Variants in RSAD2 observed in about 807,000 individuals in gnomAD.
The protein encoded by RSAD2 is radical S-adenosyl methionine domain containing 2.
Under a neutral mutation model 37.7 loss-of-function variants are expected in RSAD2, and 38 were observed. That is an observed-to-expected ratio of 1.01 (90% confidence interval 0.78 to 1.32). RSAD2 has a LOEUF of 1.32. Ranked by LOEUF, RSAD2 falls within the 40% of genes most tolerant of loss-of-function variation. RSAD2 has a pLI of 0.00. For synonymous variants in RSAD2, 163 were observed against 157.4 expected, an observed-to-expected ratio of 1.04 and a Z score of -0.27; for missense variants, 428 against 437.5, an observed-to-expected ratio of 0.98 and a Z score of 0.19.
chr2:6,891,598 T>C (rs1663631935), intron 4 of RSAD2, among the ~76,000 whole-genome samples: 1 of 152,064 alleles, frequency 6.6e-6, no homozygotes, highest in Admixed American at 6.5e-5. Flanking sequence ...AAACCCCATC[T>C]CTACTGAAAA....
At chr2:6,893,644 A>G (rs751666924) in intron 4 of RSAD2, 27 bp from the exon 5 acceptor site, 1 of 1,594,544 alleles carries the variant, frequency 6.3e-7, no homozygotes, top group East Asian at 2.2e-5. Flanking sequence ...ACCTGAAACT[A>G]AATTTGTATT....
intron 5 of RSAD2, among the ~76,000 whole-genome samples, 154 bp from the exon 6 acceptor site, chr2:6,895,624 T>C (rs3796115): frequency 0.039 from 5,921 of 152,304 alleles, 153 homozygotes; most frequent in South Asian, 0.1. Context: ...AGTAGAGAGA[T>C]GGGGTCCAAG....
At chr2:6,866,135 G>A (rs1476947196) in intron 1 of RSAD2, 3 of 217,020 alleles carry the variant, frequency 1.4e-5, no homozygotes, top group African/African-American at 2.4e-5. Context: ...CATGGAGGGG[G>A]GCGGGGGTGC....
intron 1 of RSAD2, chr2:6,879,160 T>A (rs1663351219): frequency 4.6e-6 from 2 of 435,122 alleles, no homozygotes; most frequent in African/African-American, 4.0e-5. Flanking sequence ...CACGTTACAT[T>A]GGCTTAGTTA....
chr2:6,884,682 A>G (rs115944297), intron 2 of RSAD2, among the ~76,000 whole-genome samples: 1,660 of 152,274 alleles, frequency 0.011, 28 homozygotes, highest in African/African-American at 0.038. Context: ...TTAGAAGCAT[A>G]TAAGAAAAGA....
rs751045215 is a variant in RSAD2, at chr2:6,877,791, A to G, written c.-10A>G. 2 of 1,610,326 alleles carry G rather than the reference A, an allele frequency of 1.2e-6. No individual in the cohort carries two copies. The highest frequency in any genetic ancestry group is 1.1e-5 in the South Asian group (1 of 90,738). ...ATACAGAGACTGCTCTGCTCCAGGC[A>G]TCTGCCACAATGTGGGTGCTTACAC... On this transcript the variant is annotated 5_prime_UTR_variant, in exon 1 of 6. Coordinates refer to ENST00000382040, the MANE Select transcript of RSAD2 (RefSeq NM_080657.5).
chr2:6,877,128 G>A (rs1254595630), upstream of RSAD2: 1 of 152,194 alleles, frequency 6.6e-6, no homozygotes, highest in Non-Finnish European at 1.5e-5. Flanking sequence ...AAAAGCATTG[G>A]ATTTCCTCTA....
intron 1 of RSAD2, among the ~76,000 whole-genome samples, chr2:6,879,574 C>A (rs1469642526): frequency 6.6e-6 from 1 of 152,168 alleles, no homozygotes; most frequent in African/African-American, 2.4e-5. Context: ...TCTCCTTGAT[C>A]CTCTGCAGCC....
Position 6,878,114 on chromosome 2 carries a change from C to G in RSAD2, c.314C>G (p.Ala105Gly). ...TCCTTTGTGCTGCCCCTTGAGGAAG[C>G]AAAGAGAGGATTGCTTTTGCTTAAG... Reference protein sequence around the residue: ...KTSFVLPLEEAKRGLLLLKEA... With the variant: ...KTSFVLPLEEGKRGLLLLKEA... The change falls in exon 1 of 6, where the codon GCA becomes GGA. Residue 105 changes from alanine to glycine, a missense_variant. Physicochemically the swap from Ala to Gly is moderately conservative, Grantham distance 60. Transcript: ENST00000382040. 6.2e-7 allele frequency: 1 copy of G among 1,614,056 alleles called. No individual in the cohort carries two copies. Among genetic ancestry groups the G allele is most frequent in the Non-Finnish European group, 8.5e-7 (1 of 1,179,966 alleles).
At chr2:6,890,649 C>G (rs1663612158) in intron 4 of RSAD2, among the ~76,000 whole-genome samples, 1 of 152,174 alleles carries the variant, frequency 6.6e-6, no homozygotes, top group Non-Finnish European at 1.5e-5. Context: ...ATGTGTCATA[C>G]ATGCATGACA....
intron 1 of RSAD2, among the ~76,000 whole-genome samples, chr2:6,871,639 C>T (rs908079585): frequency 1.3e-5 from 2 of 152,130 alleles, no homozygotes; most frequent in Non-Finnish European, 1.5e-5. Context: ...GGGTTTTACC[C>T]GACTCATGGC....
chr2:6,872,334 C>CT (rs1380321989), intron 1 of RSAD2, among the ~76,000 whole-genome samples: 1 of 152,100 alleles, frequency 6.6e-6, no homozygotes, highest in Non-Finnish European at 1.5e-5. Flanking sequence ...TAAAAATGAA[C>CT]TTTTTCATAT....
chr2:6,897,994 C>CAAAAAAAAA lies in RSAD2; in HGVS notation c.*2064_*2072dup. On this transcript the variant is annotated 3_prime_UTR_variant, in exon 6 of 6. Transcript: ENST00000382040. ...TGGATGACAGAGCAAGACTCCGTCT[C>CAAAAAAAAA]AAAAAAAAAAAAAAAAAAAAGCAAG... 1.5e-5 allele frequency: 1 copy of CAAAAAAAAA among 68,334 alleles called. No homozygotes were observed. The allele number at this position is 68,334 out of a possible 1,614,324, so 4.2% of individuals were successfully genotyped here. A position where few individuals can be genotyped will look rare whatever the true frequency, so the allele number is the denominator to read the frequency against.
Position 6,887,258 on chromosome 2 carries a change from G to A in RSAD2, c.738+94G>A, listed in dbSNP as rs1447161425. On this transcript the variant is annotated intron_variant, in intron 3 of 5. Coordinates refer to ENST00000382040, the MANE Select transcript of RSAD2 (RefSeq NM_080657.5). Reference sequence around the variant, plus strand: ...AACTGAAAACAATACTGATACAAGAGAACTCTGGACCTCGCAAGCCAGTCC... The same window carrying A: ...AACTGAAAACAATACTGATACAAGAAAACTCTGGACCTCGCAAGCCAGTCC... 4 of 938,188 alleles carry A rather than the reference G, an allele frequency of 4.3e-6. No individual in the cohort carries two copies. The African/African-American group carries it at 4.9e-5, about 12-fold the overall frequency. The allele number at this position is 938,188 out of a possible 1,614,324, so 58.1% of individuals were successfully genotyped here.
rs755747466 is a variant in RSAD2, at chr2:6,883,473, C to T, written c.449C>T (p.Pro150Leu). 32 of 1,613,974 alleles carry T rather than the reference C, an allele frequency of 2.0e-5. No individual in the cohort carries two copies. The African/African-American group carries it at 4.0e-4, about 20-fold the overall frequency. Residue 150 changes from proline to leucine, a missense_variant, in exon 2 of 6, where the codon CCC (proline) becomes CTC (leucine). Pro to Leu is a moderately conservative substitution (Grantham distance 98). Coordinates refer to ENST00000382040, the MANE Select transcript of RSAD2 (RefSeq NM_080657.5). ...TTCTGCAAAGTAGAGTTGCGGCTGC[C>T]CAGCGTGAGCATCGTGAGCAATGGA... Reference protein sequence around the residue: ...VRFCKVELRLPSVSIVSNGSL... With the variant: ...VRFCKVELRLLSVSIVSNGSL...
chr2:6,878,751 C>A, intron 1 of RSAD2: 1 of 968,600 alleles, frequency 1.0e-6, no homozygotes, highest in Non-Finnish European at 1.3e-6. Flanking sequence ...AGCACGTGAC[C>A]TTCGAATGCA....
intron 1 of RSAD2, among the ~76,000 whole-genome samples, chr2:6,881,952 G>A (rs555695157): frequency 2.5e-4 from 37 of 150,548 alleles, no homozygotes; most frequent in Non-Finnish European, 4.6e-4. Context: ...GGTGTGTAAC[G>A]CATAGACCCC....
intron 3 of RSAD2, among the ~76,000 whole-genome samples, chr2:6,887,775 G>A (rs1197441508): frequency 6.6e-6 from 1 of 152,250 alleles, no homozygotes. Context: ...TTAAAAAGCA[G>A]CTTCTTGGGC....
rs1016343336 is a variant in RSAD2, at chr2:6,897,349, A to T, written c.*1407A>T. The T allele has an allele frequency of 1.3e-5, 2 of 152,224 alleles. No homozygotes were observed. The highest frequency in any genetic ancestry group is 4.8e-5 in the African/African-American group (2 of 41,462). 9.4% of individuals were successfully genotyped at this position (152,224 alleles called of 1,614,324 possible). ...AGCTGCAATTTCAGTGTTCCTCACT[A>T]GGTGGCATTTAAATGTCGCCTGATG... On this transcript the variant is annotated 3_prime_UTR_variant, in exon 6 of 6. Transcript: ENST00000382040.
Sources: gnomAD v4.1 joint callset for allele counts (sites outside exome capture counted in the v4.1 genomes callset) on GRCh38, gnomAD v4.1.1 for gene constraint, MANE v1.5 for transcripts, NCBI Gene and HGNC (gene_info 2026-07-23, HGNC 2026-07-21) for gene names.